The following SMIM9 variants were observed in gnomAD, a reference collection of about 807,000 sequenced individuals.
The protein encoded by SMIM9 is small integral membrane protein 9.
SMIM9 carries 8 observed loss-of-function variants against 7.2 expected under a neutral mutation model. The observed-to-expected ratio is 1.10, with a 90% CI of 0.65 to 1.99. The LOEUF (loss-of-function observed/expected upper bound fraction) is 1.99, where lower values mean the gene tolerates loss of function less well. SMIM9 is among the 30% of genes most tolerant of loss of function. SMIM9 has a pLI of 0.00. For synonymous variants in SMIM9, 19 were observed against 26.4 expected, an observed-to-expected ratio of 0.72 and a Z score of 0.86; for missense variants, 76 against 69.3, an observed-to-expected ratio of 1.10 and a Z score of -0.34.
intron 4 of SMIM9, chrX:154,827,508 G>C (rs1414871113): frequency 8.9e-6 from 1 of 112,697 alleles, no homozygotes; most frequent in Non-Finnish European, 1.9e-5. Flanking sequence ...ATATGTGAAA[G>C]AGAGAGGCAG....
At chrX:154,824,217 C>A (rs962183115) in intron 4 of SMIM9, among the ~76,000 whole-genome samples, 1 of 108,879 alleles carries the variant, frequency 9.2e-6, no homozygotes, top group Non-Finnish European at 1.9e-5. Flanking sequence ...ATTAGCCTGG[C>A]GTGGTGGCGG....
intron 1 of SMIM9, among the ~76,000 whole-genome samples, chrX:154,833,591 C>T (rs900868148): frequency 1.8e-5 from 2 of 111,421 alleles, no homozygotes; most frequent in Non-Finnish European, 3.8e-5. Context: ...TGCCACTGCA[C>T]TCCAGCCTGG....
intron 4 of SMIM9, among the ~76,000 whole-genome samples, chrX:154,827,654 T>C (rs1332879471): frequency 8.9e-6 from 1 of 112,624 alleles, no homozygotes; most frequent in Non-Finnish European, 1.9e-5. Flanking sequence ...ATAATGTTAC[T>C]CTGTGCTTGG....
intron 4 of SMIM9, among the ~76,000 whole-genome samples, chrX:154,826,921 T>C (rs2072424294): frequency 8.9e-6 from 1 of 112,658 alleles, no homozygotes; most frequent in Non-Finnish European, 1.9e-5. Context: ...GTTTCAGACT[T>C]TACCTTCTTG....
chrX:154,832,245 C>G (rs1374106982), intron 2 of SMIM9, among the ~76,000 whole-genome samples: 1 of 111,090 alleles, frequency 9.0e-6, no homozygotes, highest in Non-Finnish European at 1.9e-5. Context: ...TGACATAGCT[C>G]TGGATAATGA....
Position 154,829,609 on chromosome X carries a change from C to T in SMIM9, c.198G>A (p.Lys66=). 8.6e-7 allele frequency: 1 copy of T among 1,167,447 alleles called. No individual in the cohort carries two copies. The highest frequency in any genetic ancestry group is 1.1e-6 in the Non-Finnish European group (1 of 872,675). ...CAATGGCTGCTGGAGGTAAGGCACT[C>T]TTGATAAGTTGCCATAAGTAATCCC... ...NFRDYLWQLI[K]SALPPAAIVA... is the part of the protein sequence containing the mutation. The change falls in exon 4 of 5, where the codon AAG becomes AAA. Residue 66 remains lysine (K), a synonymous_variant. Coordinates refer to ENST00000369529, the MANE Select transcript of SMIM9 (RefSeq NM_001162936.4).
Position 154,830,748 on chromosome X carries a change from G to A in SMIM9, c.109C>T (p.Gln37Ter). ...CGTGGTTTCGATCCTGTTTTTTCTT[G>A]TATTCCCAAGGCAGACAAAGGCAAA... is the stretch of plus-strand genomic sequence containing the variant. The part of the protein sequence containing the change: ...SPLPLSALGI[Q>*]EKTGSKPRSG... The change falls in exon 3 of 5, where the codon CAA becomes TAA. Residue 37 changes from glutamine to a stop codon, truncating the protein, a stop_gained. Transcript: ENST00000369529. LOFTEE classifies it high-confidence loss of function. 1 of 1,167,205 alleles carries A rather than the reference G, an allele frequency of 8.6e-7. No homozygotes were observed.
At chrX:154,825,443 G>C (rs1451985345) in intron 4 of SMIM9, among the ~76,000 whole-genome samples, 1 of 109,202 alleles carries the variant, frequency 9.2e-6, no homozygotes, top group South Asian at 3.9e-4. Context: ...AGGATGTGGA[G>C]AAATAGGAAC....
intron 4 of SMIM9, among the ~76,000 whole-genome samples, chrX:154,826,356 A>G (rs1304939813): frequency 1.8e-5 from 2 of 111,344 alleles, no homozygotes; most frequent in East Asian, 5.6e-4. Flanking sequence ...GGATTTTCCA[A>G]CTAATTTTCA....
intron 3 of SMIM9, 96 bp from the exon 4 acceptor site, chrX:154,829,760 T>A: frequency 1.1e-6 from 1 of 941,570 alleles, no homozygotes; most frequent in Admixed American, 2.8e-5. Flanking sequence ...TTGTCCCAGA[T>A]ATCATGTTCT....
At chrX:154,829,696 G>A (rs782802569) in intron 3 of SMIM9, 32 bp from the exon 4 acceptor site, 1 of 1,159,478 alleles carries the variant, frequency 8.6e-7, no homozygotes, top group African/African-American at 1.8e-5. Context: ...TCATTGAGGA[G>A]AGGTCAAGTA....
chrX:154,826,400 C>T (rs1173977650), intron 4 of SMIM9, among the ~76,000 whole-genome samples: 1 of 110,273 alleles, frequency 9.1e-6, no homozygotes, highest in Non-Finnish European at 1.9e-5. Context: ...CCTTATCTGC[C>T]CTGTTGTATT....
intron 3 of SMIM9, 27 bp downstream of exon 3, chrX:154,830,688 A>T (rs782518347): frequency 2.6e-5 from 30 of 1,158,921 alleles, no homozygotes; most frequent in Non-Finnish European, 3.2e-5. Flanking sequence ...ATGAAGAAAG[A>T]AACATTCATC....
At chrX:154,832,247 G>C (rs1427097145) in intron 2 of SMIM9, among the ~76,000 whole-genome samples, 1 of 111,074 alleles carries the variant, frequency 9.0e-6, no homozygotes, top group African/African-American at 3.3e-5. Context: ...ACATAGCTCT[G>C]GATAATGAAA....
chrX:154,828,109 T>G lies in SMIM9; in HGVS notation c.272+1426A>C, dbSNP rs10127070. On this transcript the variant is annotated intron_variant, in intron 4 of 4. Transcript: ENST00000369529. ...ATTAATTATACTCTGAATGCCAAAT[T>G]CCGGTCTCCCTGTCTAGTTTCAGAA... Among the ~76,000 whole-genome samples the G allele has an allele frequency of 8.8e-3, 980 of 111,724 alleles. 13 individuals carry two copies. Among genetic ancestry groups the G allele is most frequent in the African/African-American group, 0.031 (942 of 30,694 alleles).
intron 3 of SMIM9, 114 bp from the exon 4 acceptor site, chrX:154,829,778 G>T: frequency 1.2e-6 from 1 of 803,796 alleles, no homozygotes; most frequent in Non-Finnish European, 1.8e-6. Flanking sequence ...TCTTACAGTT[G>T]TCCAGAGCCC....
chrX:154,824,948 C>T (rs913957942), intron 4 of SMIM9, among the ~76,000 whole-genome samples: 1 of 111,944 alleles, frequency 8.9e-6, no homozygotes, highest in African/African-American at 3.3e-5. Flanking sequence ...TGTGTGCAAT[C>T]CTCACTGTGA....
At chrX:154,826,325 T>C (rs781967576) in intron 4 of SMIM9, among the ~76,000 whole-genome samples, 9 of 112,207 alleles carry the variant, frequency 8.0e-5, no homozygotes, top group African/African-American at 2.9e-4. Context: ...GTTTTACTTT[T>C]TGTCTTTTAC....
intron 2 of SMIM9, among the ~76,000 whole-genome samples, chrX:154,831,182 CAATT>C (rs1557270562): frequency 9.0e-6 from 1 of 111,500 alleles, no homozygotes; most frequent in African/African-American, 3.3e-5. Context: ...TTCCCCAACT[CAATT>C]AGTAGAAACT....
Sources: gnomAD v4.1 joint callset for allele counts (sites outside exome capture counted in the v4.1 genomes callset) on GRCh38, gnomAD v4.1.1 for gene constraint, MANE v1.5 for transcripts, NCBI Gene and HGNC (gene_info 2026-07-23, HGNC 2026-07-21) for gene names.